The following PHF20 variants were observed in gnomAD, a reference collection of about 807,000 sequenced individuals.
PHF20 encodes the protein PHD finger protein 20, also known as glioma-expressed antigen 2.
In PHF20, 23 loss-of-function variants were observed where a neutral mutation model predicts 113.5. That is an observed-to-expected ratio of 0.20 (90% confidence interval 0.15 to 0.29). The LOEUF is 0.29. Ranked by LOEUF, PHF20 falls within the 10% of genes least tolerant of loss-of-function variation. The pLI is 1.00. For missense variants in PHF20, 943 were observed against 1,219.6 expected, an observed-to-expected ratio of 0.77 and a Z score of 3.38; for synonymous variants, 434 against 457.3, an observed-to-expected ratio of 0.95 and a Z score of 0.65.
intron 5 of PHF20, among the ~76,000 whole-genome samples, chr20:35,859,934 T>G (rs1208787570): frequency 2.0e-5 from 3 of 152,188 alleles, no homozygotes; most frequent in Non-Finnish European, 2.9e-5. Flanking sequence ...AGTTGTGTTT[T>G]TTTTGAGACC....
At chr20:35,787,271 C>G (rs956257955) in intron 1 of PHF20, among the ~76,000 whole-genome samples, 5 of 151,938 alleles carry the variant, frequency 3.3e-5, no homozygotes, top group African/African-American at 1.2e-4. Flanking sequence ...CCTCTGCCTC[C>G]CAGGTTCAAG....
At chr20:35,912,677 C>T (rs1478926259) in intron 10 of PHF20, among the ~76,000 whole-genome samples, 1 of 152,044 alleles carries the variant, frequency 6.6e-6, no homozygotes, top group Non-Finnish European at 1.5e-5. Flanking sequence ...ACTAAAAATA[C>T]AAAATTTAGC....
rs543045693 is a variant in PHF20, at chr20:35,949,072, C to G, written c.*1445C>G. The G allele has an allele frequency of 6.5e-6, 1 of 152,782 alleles. No homozygotes were observed. Among genetic ancestry groups the G allele is most frequent in the South Asian group, 2.1e-4 (1 of 4,830 alleles). The allele number at this position is 152,782 out of a possible 1,614,324, so 9.5% of individuals were successfully genotyped here. On this transcript the variant is annotated 3_prime_UTR_variant, in exon 18 of 18. Coordinates refer to ENST00000374012, the MANE Select transcript of PHF20 (RefSeq NM_016436.5). ...AAATCTATTTCAGGGAATGTTCTGT[C>G]TAGTGATTTGCTCACCATTTGATAT...
At chr20:35,920,123 A>G (rs538185216) in intron 13 of PHF20, among the ~76,000 whole-genome samples, 2 of 152,286 alleles carry the variant, frequency 1.3e-5, no homozygotes, top group East Asian at 1.9e-4. Flanking sequence ...TGGTACCCAT[A>G]CTTTGTAGCC....
At chr20:35,907,447 A>G (rs2055220505) in intron 10 of PHF20, among the ~76,000 whole-genome samples, 1 of 152,212 alleles carries the variant, frequency 6.6e-6, no homozygotes, top group Admixed American at 6.5e-5. Context: ...CACAGCCAGT[A>G]CATGCTCTGT....
chr20:35,788,800 A>G (rs1313879796), intron 1 of PHF20, among the ~76,000 whole-genome samples: 1 of 149,978 alleles, frequency 6.7e-6, no homozygotes, highest in Non-Finnish European at 1.5e-5. Context: ...GTGTTCTTGA[A>G]CTGACGTCAG....
intron 1 of PHF20, among the ~76,000 whole-genome samples, chr20:35,790,986 G>A (rs543725477): frequency 1.3e-5 from 2 of 152,138 alleles, no homozygotes; most frequent in African/African-American, 4.8e-5. Context: ...AGCCTCCTGA[G>A]TAGCTGGAAT....
intron 2 of PHF20, among the ~76,000 whole-genome samples, chr20:35,824,667 G>A (rs2042232048): frequency 6.6e-6 from 1 of 151,866 alleles, no homozygotes; most frequent in Non-Finnish European, 1.5e-5. Flanking sequence ...GGTTTTCAGT[G>A]TATTTACAAA....
intron 10 of PHF20, among the ~76,000 whole-genome samples, chr20:35,909,581 G>A (rs912382583): frequency 1.3e-5 from 2 of 152,160 alleles, no homozygotes; most frequent in Non-Finnish European, 2.9e-5. Context: ...CCAGTCTGCT[G>A]TCTTTGGGCC....
At chr20:35,821,966 A>G (rs1404211467) in intron 2 of PHF20, among the ~76,000 whole-genome samples, 1 of 152,182 alleles carries the variant, frequency 6.6e-6, no homozygotes, top group East Asian at 1.9e-4. Context: ...CAGTAGAACT[A>G]GGTTCTAGGG....
chr20:35,839,338 C>T (rs2042499994), intron 2 of PHF20, among the ~76,000 whole-genome samples: 2 of 143,932 alleles, frequency 1.4e-5, no homozygotes, highest in Middle Eastern at 3.7e-3. Flanking sequence ...TTGCAGTGAG[C>T]TAAGATCGTG....
At chr20:35,943,930 TTAAAAC>T (rs1300653639) in intron 17 of PHF20, among the ~76,000 whole-genome samples, 4 of 152,184 alleles carry the variant, frequency 2.6e-5, no homozygotes, top group Non-Finnish European at 4.4e-5. Flanking sequence ...GAACAGTACT[TTAAAAC>T]TAAAAGACAA....
intron 1 of PHF20, among the ~76,000 whole-genome samples, chr20:35,773,734 C>T (rs1454593530): frequency 6.6e-6 from 1 of 152,168 alleles, no homozygotes; most frequent in African/African-American, 2.4e-5. Flanking sequence ...CTAGGACTGC[C>T]TGGGCCCCCA....
intron 1 of PHF20, among the ~76,000 whole-genome samples, chr20:35,790,054 A>G (rs1034354765): frequency 1.3e-5 from 2 of 150,286 alleles, no homozygotes; most frequent in African/African-American, 4.9e-5. Context: ...ATGGGTTTTC[A>G]CCACATTGGC....
At chr20:35,929,148 C>T (rs2055702893) in intron 14 of PHF20, among the ~76,000 whole-genome samples, 1 of 152,170 alleles carries the variant, frequency 6.6e-6, no homozygotes, top group African/African-American at 2.4e-5. Flanking sequence ...TCTCCTACTC[C>T]CAGTTTTGCT....
At chr20:35,802,201 T>G (rs6060611) in intron 2 of PHF20, among the ~76,000 whole-genome samples, 1 of 152,156 alleles carries the variant, frequency 6.6e-6, no homozygotes, top group Non-Finnish European at 1.5e-5. Flanking sequence ...CATAGGGTTA[T>G]TCTGAGAATC....
Position 35,946,323 on chromosome 20 carries a change from A to T in PHF20, c.2897-1162A>T, listed in dbSNP as rs538537294. 2.0e-5 allele frequency among the ~76,000 whole-genome samples: 3 copies of T among 151,482 alleles called. No individual in the cohort carries two copies. The East Asian group carries it at 5.9e-4, about 30-fold the overall frequency. On this transcript the variant is annotated intron_variant, in intron 17 of 17. Coordinates refer to ENST00000374012, the MANE Select transcript of PHF20 (RefSeq NM_016436.5). The stretch of plus-strand genomic sequence containing the variant: ...GTGGCACATGCCTGTAATCCCAGCT[A>T]CTTTGGAGGCTGAGGCAGGAGAATC...
At position 35,871,792 on chromosome 20, in the gene PHF20, T is replaced by A. The variant is rs753397004; in HGVS notation, c.1245T>A (p.Ser415=). ...ACACGATGAAAACAGAACCGACTTC[T>A]CCCCTTGTGGAATTACAAGAGATTT... ...GENTMKTEPT[S]PLVELQEIST... Residue 415 remains serine (S), a synonymous_variant, in exon 9 of 18, where the codon TCT becomes TCA. Coordinates refer to ENST00000374012, the MANE Select transcript of PHF20 (RefSeq NM_016436.5). 9 of 1,612,294 alleles carry A rather than the reference T, an allele frequency of 5.6e-6. No homozygotes were observed. The highest frequency in any genetic ancestry group is 6.8e-6 in the Non-Finnish European group (8 of 1,179,192).
chr20:35,933,143 A>C (rs555225804), intron 15 of PHF20, among the ~76,000 whole-genome samples: 42 of 137,938 alleles, frequency 3.0e-4, no homozygotes, highest in Non-Finnish European at 5.2e-4. Flanking sequence ...GTCTTGCTTT[A>C]TTTCCCAGGC....
Sources: allele counts gnomAD v4.1 joint callset (sites outside exome capture counted in the v4.1 genomes callset), GRCh38; gene constraint gnomAD v4.1.1; transcripts MANE v1.5; gene names NCBI Gene and HGNC (gene_info 2026-07-23, HGNC 2026-07-21).